MED13L: variants seen among roughly 807,000 people sequenced by gnomAD.
MED13L encodes mediator of RNA polymerase II transcription subunit 13-like.
Under a neutral mutation model 220.9 loss-of-function variants are expected in MED13L, and 7 were observed. That is an observed-to-expected ratio of 0.03 (90% CI 0.02 to 0.06). MED13L has a LOEUF of 0.06. MED13L is among the 10% of genes least tolerant of loss of function. The pLI is 1.00. For missense variants in MED13L, 1,965 were observed against 2,760.5 expected (o/e 0.71, Z 6.46); for synonymous variants, 1,011 against 1,015.2 (o/e 1.00, Z 0.08).
intron 4 of MED13L, among the ~76,000 whole-genome samples, chr12:116,068,752 A>G (rs1239531754): frequency 6.7e-6 from 1 of 149,512 alleles, no homozygotes; most frequent in African/African-American, 2.5e-5. Context: ...TCCAATCTGT[A>G]CTCTCCCTGA....
Position 115,991,274 on chromosome 12 carries a change from A to G in MED13L, c.3680T>C (p.Leu1227Pro). Reference protein sequence around the residue: ...KPQEPPISLLLLLQNQHTQPF... With the variant: ...KPQEPPISLLPLLQNQHTQPF... The stretch of plus-strand genomic sequence containing the variant: ...TTGTGTGTGTTGATTCTGGAGGAGG[A>G]GGAGAAGGCTTATGGGTGGCTCCTG... The change falls in exon 17 of 31, where the codon CTC becomes CCC. Residue 1227 changes from leucine to proline, a missense_variant. By Grantham distance (98) the Leu-to-Pro change is moderately conservative. Transcript: ENST00000281928. The surrounding 1 kb of genome is among the most constrained non-coding windows in gnomAD (Gnocchi z 7.7). The G allele has an allele frequency of 6.2e-7, 1 of 1,614,128 alleles. No individual in the cohort carries two copies. Among genetic ancestry groups the G allele is most frequent in the Non-Finnish European group, 8.5e-7 (1 of 1,180,026 alleles).
At chr12:116,213,407 TTTG>T (rs979850499) in intron 2 of MED13L, among the ~76,000 whole-genome samples, 9 of 150,864 alleles carry the variant, frequency 6.0e-5, no homozygotes, top group African/African-American at 1.7e-4. Flanking sequence ...AAAGTTTGTT[TTTG>T]TTTGTTTGTT....
At chr12:115,995,256 T>C (rs1251979880) in intron 16 of MED13L, among the ~76,000 whole-genome samples, 1 of 152,234 alleles carries the variant, frequency 6.6e-6, no homozygotes, top group Non-Finnish European at 1.5e-5. Context: ...ACAATGGTGC[T>C]GAGCATCAGT....
chr12:116,111,294 T>G (rs367769375), intron 3 of MED13L, 134 bp downstream of exon 3: 2 of 752,684 alleles, frequency 2.7e-6, no homozygotes, highest in African/African-American at 1.7e-5. Flanking sequence ...AAAGAGAAAC[T>G]AAAGATTTAT....
At chr12:116,046,789 C>T (rs531225419) in intron 4 of MED13L, among the ~76,000 whole-genome samples, 12 of 152,194 alleles carry the variant, frequency 7.9e-5, no homozygotes, top group African/African-American at 2.2e-4. Flanking sequence ...CTGGCTAACA[C>T]AGTGAAACCC....
At chr12:116,108,684 T>C (rs1185504446) in intron 3 of MED13L, among the ~76,000 whole-genome samples, 5 of 152,172 alleles carry the variant, frequency 3.3e-5, no homozygotes, top group Non-Finnish European at 7.3e-5. Flanking sequence ...ATGAAGATGG[T>C]TTGTTTGATC....
intron 4 of MED13L, among the ~76,000 whole-genome samples, chr12:116,048,445 A>T (rs916557373): frequency 3.3e-5 from 5 of 152,198 alleles, no homozygotes; most frequent in Admixed American, 2.0e-4. Context: ...CAGGGCAAGG[A>T]GAGGGGAGTC....
chr12:116,019,710 T>C (rs574165691), intron 6 of MED13L, 68 bp downstream of exon 6: 3 of 1,503,254 alleles, frequency 2.0e-6, no homozygotes, highest in Admixed American at 3.4e-5. Context: ...AGAATCTAAA[T>C]GATTATCTTT....
chr12:116,248,794 T>A (rs914020667), intron 1 of MED13L, among the ~76,000 whole-genome samples: 1 of 152,232 alleles, frequency 6.6e-6, no homozygotes, highest in Non-Finnish European at 1.5e-5. Flanking sequence ...TGAGCTAGGA[T>A]AACATACACA....
At chr12:116,004,076 C>T (rs1248769050) in intron 13 of MED13L, among the ~76,000 whole-genome samples, 2 of 152,134 alleles carry the variant, frequency 1.3e-5, no homozygotes, top group African/African-American at 2.4e-5. Context: ...ATAATTTATA[C>T]AAAGAATAAG....
intron 19 of MED13L, among the ~76,000 whole-genome samples, 157 bp downstream of exon 19, chr12:115,986,109 C>A (rs1292619050): frequency 7.9e-5 from 12 of 152,100 alleles, no homozygotes; most frequent in African/African-American, 2.7e-4. Context: ...AATTTGCTTC[C>A]AGAAAAATTG....
chr12:116,073,470 G>A (rs1337656535), intron 4 of MED13L, among the ~76,000 whole-genome samples: 2 of 152,132 alleles, frequency 1.3e-5, no homozygotes, highest in African/African-American at 4.8e-5. Context: ...ATCGTTCAGT[G>A]CATTCATCAA....
At chr12:116,150,977 G>C (rs1173850530) in intron 2 of MED13L, among the ~76,000 whole-genome samples, 2 of 152,122 alleles carry the variant, frequency 1.3e-5, no homozygotes, top group Non-Finnish European at 2.9e-5. Flanking sequence ...CCACAGTAGG[G>C]ACTCGTGTGG....
rs1285289184 is a variant in MED13L at position 116,007,533 on chromosome 12, C to T, written c.2116G>A (p.Gly706Arg). The T allele has an allele frequency of 1.9e-6, 3 of 1,612,904 alleles. No homozygotes were observed. The highest frequency in any genetic ancestry group is 1.7e-5 in the Admixed American group (1 of 59,816). The change falls in exon 11 of 31, where the codon GGA becomes AGA. Residue 706 changes from glycine (G) to arginine (R), a missense_variant. Transcript: ENST00000281928. ...LDPLPLSQQP[G>R]DSLGEVNDPY... is the part of the protein sequence containing the mutation. ...TCATTCACTTCTCCCAAACTGTCTCCAGGTTGTTGTGATAGAGGCAATGGG... is the reference window on the plus strand; with the variant it reads ...TCATTCACTTCTCCCAAACTGTCTCTAGGTTGTTGTGATAGAGGCAATGGG...
intron 1 of MED13L, among the ~76,000 whole-genome samples, chr12:116,265,926 T>G (rs188366757): frequency 6.6e-6 from 1 of 152,298 alleles, no homozygotes; most frequent in Admixed American, 6.5e-5. Context: ...GTTTTATTAC[T>G]CCCCTTTCAG....
At chr12:116,119,140 A>G (rs1874785586) in intron 2 of MED13L, among the ~76,000 whole-genome samples, 1 of 152,104 alleles carries the variant, frequency 6.6e-6, no homozygotes, top group South Asian at 2.1e-4. Flanking sequence ...ATCAAATATA[A>G]TCACCCCTAA....
intron 29 of MED13L, among the ~76,000 whole-genome samples, chr12:115,964,399 CAT>C (rs1214673413): frequency 1.1e-4 from 17 of 152,312 alleles, no homozygotes; most frequent in African/African-American, 3.6e-4. Flanking sequence ...CTTGAAGTCA[CAT>C]GATTCATCAC....
chr12:116,097,602 G>A (rs1156232699), intron 3 of MED13L, among the ~76,000 whole-genome samples: 1 of 152,138 alleles, frequency 6.6e-6, no homozygotes, highest in African/African-American at 2.4e-5. Flanking sequence ...CACAATAAAG[G>A]ACTTGATTAT....
At chr12:116,268,701 T>C (rs1255165535) in intron 1 of MED13L, among the ~76,000 whole-genome samples, 1 of 152,124 alleles carries the variant, frequency 6.6e-6, no homozygotes, top group Admixed American at 6.5e-5. Context: ...ATCACAATAA[T>C]TCTTATTCAG....
Sources: gnomAD v4.1 joint callset for allele counts (sites outside exome capture counted in the v4.1 genomes callset) on GRCh38, gnomAD v4.1.1 for gene constraint, Gnocchi (gnomAD v3.1) non-coding constraint, MANE v1.5 for transcripts, NCBI Gene and HGNC (gene_info 2026-07-23, HGNC 2026-07-21) for gene names.